LRRIQ3: variants seen among roughly 807,000 people sequenced by gnomAD.
The protein encoded by LRRIQ3 is leucine rich repeats and IQ motif containing 3, also known as leucine-rich repeat and IQ domain-containing protein 3.
In LRRIQ3, 75 loss-of-function variants were observed where a neutral mutation model predicts 59.3. That is an observed-to-expected ratio of 1.26 (90% confidence interval 1.05 to 1.53). LRRIQ3 has a LOEUF of 1.53. Among genes scored for constraint, LRRIQ3 ranks in the 40% most tolerant of loss-of-function variants. LRRIQ3 has a pLI of 0.00. For synonymous variants in LRRIQ3, 250 were observed against 231.3 expected (o/e 1.08, Z -0.73); for missense variants, 831 against 710.0 (o/e 1.17, Z -1.94).
Position 74,182,893 on chromosome 1 carries a change from A to C in LRRIQ3, c.250-32T>G, listed in dbSNP as rs372595006. 6 of 1,269,382 alleles carry C rather than the reference A, an allele frequency of 4.7e-6. No individual in the cohort carries two copies. The African/African-American group carries it at 9.1e-5, about 19-fold the overall frequency. The allele number at this position is 1,269,382 out of a possible 1,614,324, so 78.6% of individuals were successfully genotyped here. On this transcript the variant is annotated intron_variant, in intron 2 of 7. Coordinates refer to ENST00000354431, the MANE Select transcript of LRRIQ3 (RefSeq NM_001105659.2). ...TATTATTAAAAATCTTTTAAATTCC[A>C]AAATTACTTTTTTCGAATAGCACAG... is the stretch of plus-strand genomic sequence containing the variant.
chr1:74,126,926 C>T (rs1467666800), intron 4 of LRRIQ3, among the ~76,000 whole-genome samples: 1 of 151,852 alleles, frequency 6.6e-6, no homozygotes. Context: ...TCTGAGTGAT[C>T]TCTCCAATAC....
At chr1:74,042,009 T>C (rs1358967331) in intron 6 of LRRIQ3, 76 bp from the exon 7 acceptor site, 4 of 1,327,592 alleles carry the variant, frequency 3.0e-6, no homozygotes, top group Non-Finnish European at 2.0e-6. Context: ...AATATATCAA[T>C]AAACTTGATA....
At chr1:74,043,950 T>C (rs866167696) in intron 6 of LRRIQ3, among the ~76,000 whole-genome samples, 1 of 152,156 alleles carries the variant, frequency 6.6e-6, no homozygotes, top group South Asian at 2.1e-4. Flanking sequence ...GTTTTTCTTA[T>C]CTGTATCTGT....
intron 3 of LRRIQ3, among the ~76,000 whole-genome samples, chr1:74,177,370 G>A (rs146362760): frequency 1.2e-4 from 18 of 152,174 alleles, no homozygotes; most frequent in African/African-American, 4.3e-4. Context: ...CCTCAAGCTT[G>A]CAGACAGCCT....
At chr1:74,031,198 G>A (rs535308524) in intron 7 of LRRIQ3, among the ~76,000 whole-genome samples, 1 of 152,310 alleles carries the variant, frequency 6.6e-6, no homozygotes, top group East Asian at 1.9e-4. Context: ...GTGGAAGACA[G>A]TGTGGCAATT....
At chr1:74,127,273 A>G (rs1043593786) in intron 4 of LRRIQ3, among the ~76,000 whole-genome samples, 2 of 151,802 alleles carry the variant, frequency 1.3e-5, no homozygotes, top group Admixed American at 1.3e-4. Context: ...GTAACCAATC[A>G]TTGAGTCTTG....
chr1:74,193,678 G>T (rs959858153), intron 1 of LRRIQ3, among the ~76,000 whole-genome samples: 3 of 152,020 alleles, frequency 2.0e-5, no homozygotes, highest in Non-Finnish European at 4.4e-5. Context: ...ATTCACTGAA[G>T]CTTTCAGATA....
chr1:74,116,960 C>A (rs545178174), intron 4 of LRRIQ3, among the ~76,000 whole-genome samples: 3 of 151,944 alleles, frequency 2.0e-5, no homozygotes, highest in African/African-American at 7.2e-5. Context: ...CTCTATTTGT[C>A]CTAAAAAGGA....
intron 6 of LRRIQ3, among the ~76,000 whole-genome samples, chr1:74,061,016 A>G (rs2100444109): frequency 6.6e-6 from 1 of 152,212 alleles, no homozygotes; most frequent in African/African-American, 2.4e-5. Flanking sequence ...AGGACACTTG[A>G]GCTGGCAGGG....
At chr1:74,108,901 G>A (rs965758422) in intron 5 of LRRIQ3, 12 of 406,810 alleles carry the variant, frequency 2.9e-5, no homozygotes, top group African/African-American at 4.2e-5. Context: ...TGGTGCTACA[G>A]AGAATAAGTT....
intron 4 of LRRIQ3, among the ~76,000 whole-genome samples, chr1:74,122,443 ATTTGT>A (rs1646873743): frequency 6.6e-6 from 1 of 152,024 alleles, no homozygotes; most frequent in Non-Finnish European, 1.5e-5. Context: ...TTTCTTATAA[ATTTGT>A]TGGAGTTCCA....
intron 4 of LRRIQ3, among the ~76,000 whole-genome samples, chr1:74,123,403 C>T (rs534734383): frequency 2.6e-5 from 4 of 152,028 alleles, no homozygotes; most frequent in Admixed American, 6.6e-5. Context: ...TTATTCATTA[C>T]ATCTAACTGT....
At chr1:74,085,086 C>T (rs1646312866) in intron 5 of LRRIQ3, among the ~76,000 whole-genome samples, 1 of 151,620 alleles carries the variant, frequency 6.6e-6, no homozygotes, top group Non-Finnish European at 1.5e-5. Flanking sequence ...TCTTCCCACC[C>T]ACATACAAAT....
At chr1:74,180,681 G>A (rs1474404882) in intron 3 of LRRIQ3, 4 of 1,541,004 alleles carry the variant, frequency 2.6e-6, no homozygotes, top group African/African-American at 2.8e-5. Flanking sequence ...GTGATGCAAT[G>A]TTGACTGCAG....
chr1:74,152,527 T>TTAA (rs1459146883), intron 4 of LRRIQ3, among the ~76,000 whole-genome samples: 1 of 152,234 alleles, frequency 6.6e-6, no homozygotes, highest in African/African-American at 2.4e-5. Flanking sequence ...ATGAGTAAAA[T>TTAA]TAATAATGTT....
At chr1:74,100,844 C>A (rs1250620041) in intron 5 of LRRIQ3, among the ~76,000 whole-genome samples, 1 of 152,130 alleles carries the variant, frequency 6.6e-6, no homozygotes, top group Admixed American at 6.6e-5. Context: ...GCTGGGAAAA[C>A]TGGCTAGCCA....
At chr1:74,101,271 A>G (rs553848119) in intron 5 of LRRIQ3, among the ~76,000 whole-genome samples, 26 of 152,322 alleles carry the variant, frequency 1.7e-4, no homozygotes, top group African/African-American at 5.8e-4. Context: ...CACTTCTCGA[A>G]AGAAGACATT....
chr1:74,117,322 AGACTT>A (rs1646791047), intron 4 of LRRIQ3, among the ~76,000 whole-genome samples: 1 of 152,176 alleles, frequency 6.6e-6, no homozygotes, highest in African/African-American at 2.4e-5. Flanking sequence ...CATTAAATAA[AGACTT>A]GACTTAATGA....
At chr1:74,133,741 T>G (rs1423597308) in intron 4 of LRRIQ3, among the ~76,000 whole-genome samples, 2 of 151,978 alleles carry the variant, frequency 1.3e-5, no homozygotes, top group Admixed American at 1.3e-4. Flanking sequence ...GGGATAGCAT[T>G]GGGAGATATA....
Sources: allele counts gnomAD v4.1 joint callset (sites outside exome capture counted in the v4.1 genomes callset), GRCh38; gene constraint gnomAD v4.1.1; transcripts MANE v1.5; gene names NCBI Gene and HGNC (gene_info 2026-07-23, HGNC 2026-07-21).